Variants in SFPQ observed in about 807,000 individuals in gnomAD.
SFPQ encodes splicing factor proline and glutamine rich, also known as splicing factor, proline- and glutamine-rich.
A neutral mutation model predicts 72.9 loss-of-function variants in SFPQ; 11 were observed. That is an observed-to-expected ratio of 0.15 (90% CI 0.09 to 0.25). SFPQ has a LOEUF of 0.25. SFPQ is among the 10% of genes least tolerant of loss of function. The pLI, the probability that SFPQ is intolerant of heterozygous loss-of-function variation, is 1.00. For synonymous variants in SFPQ, 506 were observed against 367.3 expected (o/e 1.38, Z -4.32); for missense variants, 847 against 993.3 (o/e 0.85, Z 1.98).
At chr1:35,179,315 G>A (rs977335249), downstream of SFPQ, 1 of 1,058,930 alleles carries the variant, frequency 9.4e-7, no homozygotes. Flanking sequence ...GGGGAAAAGT[G>A]AGACTATTAT....
At position 35,192,995 on chromosome 1, in the gene SFPQ, G is replaced by A; in HGVS notation, c.55C>T (p.Arg19Cys). 1 of 1,572,436 alleles carries A rather than the reference G, an allele frequency of 6.4e-7. No individual in the cohort carries two copies. Among genetic ancestry groups the A allele is most frequent in the Non-Finnish European group, 8.6e-7 (1 of 1,167,990 alleles). Residue 19 changes from arginine to cysteine, a missense_variant, in exon 1 of 10, where the codon CGT (arginine) becomes TGT (cysteine). By Grantham distance (180) the Arg-to-Cys change is radical. This residue lies in a region of SFPQ where 19 missense variants were observed against 43.8 expected (regional missense o/e 0.43). Transcript: ENST00000357214. Reference protein sequence around the residue: ...RGGGGGGFHRRGGGGGRGGLH... With the variant: ...RGGGGGGFHRCGGGGGRGGLH... ...CCGCCGCGGCCGCCGCCTCCTCCAC[G>A]CCTGTGGAAGCCACCACCGCCACCG...
In SFPQ at chr1:35,184,294, T is replaced by C; in HGVS notation, c.*162A>G. 7.0e-7 allele frequency: 1 copy of C among 1,428,820 alleles called. No homozygotes were observed. The highest frequency in any genetic ancestry group is 9.1e-7 in the Non-Finnish European group (1 of 1,099,990). The allele number at this position is 1,428,820 out of a possible 1,614,324, so 88.5% of individuals were successfully genotyped here. The stretch of plus-strand genomic sequence containing the variant: ...AATTCTCCTGTTCCAAACACTGCAT[T>C]ACATAATTTTACCTGCCCAAACAGA... On this transcript the variant is annotated 3_prime_UTR_variant, in exon 10 of 10. Coordinates refer to ENST00000357214, the MANE Select transcript of SFPQ (RefSeq NM_005066.3).
chr1:35,187,050 G>A lies in SFPQ; in HGVS notation c.1937C>T (p.Pro646Leu). 1 of 1,614,076 alleles carries A rather than the reference G, an allele frequency of 6.2e-7. No homozygotes were observed. Residue 646 changes from proline (P) to leucine (L), a missense_variant, in exon 9 of 10, where the codon CCT becomes CTT. Around this residue, in one of 6 missense-constraint regions of SFPQ, gnomAD observed 154 missense variants for 186.0 expected, o/e 0.83. Transcript: ENST00000357214. ...GGGGIGYEAN[P>L]GVPPATMSGS... ...ACTCATGGTTGCTGGTGGAACGCCA[G>A]GATTAGCTTCATAACCTATGCCACC... is the stretch of plus-strand genomic sequence containing the variant.
downstream of SFPQ, chr1:35,179,776 A>G (rs1639391429): frequency 9.5e-7 from 1 of 1,055,408 alleles, no homozygotes; most frequent in Admixed American, 5.4e-5. Flanking sequence ...CATTCTCTAA[A>G]AATTGTTACT....
At chr1:35,178,502 T>G (rs2148603050), downstream of SFPQ, 1 of 1,062,992 alleles carries the variant, frequency 9.4e-7, no homozygotes, top group Non-Finnish European at 1.1e-6. Flanking sequence ...CCAACTCCCC[T>G]TCCCACAGTA....
chr1:35,181,571 C>A, downstream of SFPQ: 1 of 1,061,390 alleles, frequency 9.4e-7, no homozygotes, highest in Middle Eastern at 4.2e-4. Context: ...TTATAAAATA[C>A]CTATTAAATA....
chr1:35,185,537 GC>G lies in SFPQ; in HGVS notation c.1987-945del, dbSNP rs566188613. Among the ~76,000 whole-genome samples the G allele has an allele frequency of 5.9e-5, 9 of 152,212 alleles. No homozygotes were observed. In the East Asian group the frequency reaches 1.7e-3, roughly 29 times the overall value. ...AGAAGTTTTCAATAGAAACATATGTGCCTAAATAGCAGACCCCTCAGGTATG... is the reference window on the plus strand; with the variant it reads ...AGAAGTTTTCAATAGAAACATATGTGCTAAATAGCAGACCCCTCAGGTATG... On this transcript the variant is annotated intron_variant, in intron 9 of 9. Coordinates refer to ENST00000357214, the MANE Select transcript of SFPQ (RefSeq NM_005066.3).
chr1:35,192,130 C>T (rs1477842843), intron 1 of SFPQ, 92 bp downstream of exon 1: 2 of 1,104,824 alleles, frequency 1.8e-6, no homozygotes, highest in Non-Finnish European at 2.3e-6. Flanking sequence ...TTCCGGCAGC[C>T]GACAAAATGG....
In SFPQ at chr1:35,192,388, C is replaced by A; in HGVS notation, c.662G>T (p.Gly221Val). 2.8e-6 allele frequency: 4 copies of A among 1,412,118 alleles called. No homozygotes were observed. The highest frequency in any genetic ancestry group is 1.5e-5 in the South Asian group (1 of 66,820). The allele number at this position is 1,412,118 out of a possible 1,614,324, so 87.5% of individuals were successfully genotyped here. A position where few individuals can be genotyped will look rare whatever the true frequency, so the allele number is the denominator to read the frequency against. ...KMPGGPKPGGGPGLSTPGGHP... is the reference protein window; with the variant it reads ...KMPGGPKPGGVPGLSTPGGHP... Reference sequence around the variant, plus strand: ...GCCGCCAGGCGTACTTAGGCCCGGGCCGCCACCTGGCTTCGGCCCGCCAGG... The same window carrying A: ...GCCGCCAGGCGTACTTAGGCCCGGGACGCCACCTGGCTTCGGCCCGCCAGG... Residue 221 changes from glycine (G) to valine (V), a missense_variant, in exon 1 of 10, where the codon GGC becomes GTC. Physicochemically the swap from Gly to Val is moderately radical, Grantham distance 109 (BLOSUM62 -3). Around this residue, in one of 6 missense-constraint regions of SFPQ, gnomAD observed 498 missense variants for 405.1 expected, o/e 1.23. Coordinates refer to ENST00000357214, the MANE Select transcript of SFPQ (RefSeq NM_005066.3).
chr1:35,179,400 A>G, downstream of SFPQ: 1 of 1,056,554 alleles, frequency 9.5e-7, no homozygotes. Flanking sequence ...AAGCACCGGT[A>G]TCTGTTCCAA....
downstream of SFPQ, chr1:35,178,294 CCAGTCT>C: frequency 9.1e-7 from 1 of 1,095,290 alleles, no homozygotes; most frequent in Non-Finnish European, 1.1e-6. Context: ...CTCAGTTTCA[CCAGTCT>C]GAGCACAAGT....
At chr1:35,185,205 C>G (rs183960338) in intron 9 of SFPQ, among the ~76,000 whole-genome samples, 1 of 152,224 alleles carries the variant, frequency 6.6e-6, no homozygotes, top group Non-Finnish European at 1.5e-5. Flanking sequence ...TTAACCGGCA[C>G]AGTAACTTGA....
chr1:35,192,251 G>T lies in SFPQ; in HGVS notation c.799C>A (p.Arg267Ser). 6.8e-7 allele frequency: 1 copy of T among 1,462,678 alleles called. No individual in the cohort carries two copies. Among genetic ancestry groups the T allele is most frequent in the Non-Finnish European group, 9.0e-7 (1 of 1,114,782 alleles). The allele number at this position is 1,462,678 out of a possible 1,614,324, so 90.6% of individuals were successfully genotyped here. Residue 267 changes from arginine to serine, a missense_variant, in exon 1 of 10, where the codon CGC becomes AGC. Arg to Ser is a moderately radical substitution (Grantham distance 110, BLOSUM62 -1). Transcript: ENST00000357214. ...QGPPPGGPGGRSEEKISDSEG... is the reference protein window; with the variant it reads ...QGPPPGGPGGSSEEKISDSEG... Reference sequence around the variant, plus strand: ...GAGTCCGAGATCTTCTCCTCGCTGCGGCCGCCGGGCCCGCCGGGCGGGGGC... The same window carrying T: ...GAGTCCGAGATCTTCTCCTCGCTGCTGCCGCCGGGCCCGCCGGGCGGGGGC...
At chr1:35,179,978 G>A (rs753260406), downstream of SFPQ, 48 of 1,051,308 alleles carry the variant, frequency 4.6e-5, no homozygotes, top group Non-Finnish European at 4.9e-5. Flanking sequence ...ATATGCAGAG[G>A]CTAAACTAGT....
At chr1:35,180,078 G>A (rs758815546), downstream of SFPQ, 1 of 1,052,748 alleles carries the variant, frequency 9.5e-7, no homozygotes, top group South Asian at 4.6e-5. Flanking sequence ...CCCACCTTGT[G>A]AATTGCTTGC....
downstream of SFPQ, chr1:35,178,284 C>G (rs1557777301): frequency 1.8e-6 from 2 of 1,099,514 alleles, no homozygotes; most frequent in Non-Finnish European, 2.2e-6. Flanking sequence ...AAGCCTGACT[C>G]TCAGTTTCAC....
At chr1:35,182,556 G>C (rs114776206), downstream of SFPQ, 2,036 of 985,402 alleles carry the variant, frequency 2.1e-3, 34 homozygotes, top group African/African-American at 0.034. Flanking sequence ...TATGCAGAAA[G>C]TGCTCAGATT....
At position 35,193,127 on chromosome 1, in the gene SFPQ, A is replaced by G. The variant is rs956595237; in HGVS notation, c.-78T>C. The G allele has an allele frequency of 2.7e-6, 4 of 1,483,846 alleles. No individual in the cohort carries two copies. The highest frequency in any genetic ancestry group is 1.8e-4 in the Middle Eastern group (1 of 5,556). The allele number at this position is 1,483,846 out of a possible 1,614,324, so 91.9% of individuals were successfully genotyped here. On this transcript the variant is annotated 5_prime_UTR_variant, in exon 1 of 10. Transcript: ENST00000357214. Reference sequence around the variant, plus strand: ...GTGGAGGCCACCTTGCTTCTCACAAAATGGCGGATGACACAGGCGGCGCGC... The same window carrying G: ...GTGGAGGCCACCTTGCTTCTCACAAGATGGCGGATGACACAGGCGGCGCGC...
intron 3 of SFPQ, 36 bp from the exon 4 acceptor site, chr1:35,190,629 C>T: frequency 1.2e-6 from 2 of 1,607,440 alleles, no homozygotes; most frequent in Non-Finnish European, 8.5e-7. Flanking sequence ...AGCTTTGTTC[C>T]AGTTTTATTG....
Sources: gnomAD v4.1 joint callset for allele counts (sites outside exome capture counted in the v4.1 genomes callset) on GRCh38, gnomAD v4.1.1 for gene constraint, gnomAD v4.1.1 regional missense constraint, MANE v1.5 for transcripts, NCBI Gene and HGNC (gene_info 2026-07-23, HGNC 2026-07-21) for gene names.